The following STPG2 variants were observed in gnomAD, a reference collection of about 807,000 sequenced individuals.
STPG2 encodes the protein sperm tail PG-rich repeat containing 2, also known as sperm-tail PG-rich repeat-containing protein 2.
In STPG2, 56 loss-of-function variants were observed where a neutral mutation model predicts 54.2. The observed-to-expected ratio is 1.03, with a 90% CI of 0.83 to 1.29. STPG2 has a LOEUF of 1.29. Among genes scored for constraint, STPG2 ranks in the 50% most tolerant of loss-of-function variants. STPG2 has a pLI of 0.00. For missense variants in STPG2, 596 were observed against 544.9 expected, an observed-to-expected ratio of 1.09 and a Z score of -0.93; for synonymous variants, 200 against 181.8, an observed-to-expected ratio of 1.10 and a Z score of -0.81.
intron 4 of STPG2, among the ~76,000 whole-genome samples, chr4:97,544,436 A>T (rs984758183): frequency 2.0e-5 from 3 of 152,112 alleles, no homozygotes; most frequent in Non-Finnish European, 4.4e-5. Flanking sequence ...CAAACACTCA[A>T]AAACATTCAT....
At chr4:97,994,633 G>A (rs1222338788) in intron 5 of STPG2, among the ~76,000 whole-genome samples, 2 of 152,140 alleles carry the variant, frequency 1.3e-5, no homozygotes, top group African/African-American at 4.8e-5. Context: ...AGGGGAGTAT[G>A]TGCAAAGCGA....
At chr4:97,831,018 T>G (rs1482839849) in intron 9 of STPG2, among the ~76,000 whole-genome samples, 1 of 152,082 alleles carries the variant, frequency 6.6e-6, no homozygotes. Context: ...CTGGACCAAG[T>G]GGACCTAAAA....
chr4:97,509,610 A>T (rs866070214), intron 4 of STPG2, among the ~76,000 whole-genome samples: 24 of 152,114 alleles, frequency 1.6e-4, no homozygotes, highest in African/African-American at 5.8e-4. Context: ...AGGTGTTAAC[A>T]CTAGAAAGTT....
intron 10 of STPG2, among the ~76,000 whole-genome samples, chr4:97,636,601 T>A (rs1721542877): frequency 6.7e-6 from 1 of 149,522 alleles, no homozygotes; most frequent in Non-Finnish European, 1.5e-5. Context: ...CTAGCAAGAC[T>A]AATAAAGAAA....
chr4:97,946,603 C>A (rs1447059039), intron 7 of STPG2, among the ~76,000 whole-genome samples: 1 of 152,112 alleles, frequency 6.6e-6, no homozygotes, highest in East Asian at 1.9e-4. Flanking sequence ...TTTCATTCTT[C>A]TAAATGTAGC....
chr4:97,794,572 T>C (rs571941505), intron 9 of STPG2, among the ~76,000 whole-genome samples: 10 of 152,298 alleles, frequency 6.6e-5, no homozygotes, highest in Admixed American at 6.5e-4. Context: ...AATTGGATAA[T>C]ATGAGCCTTC....
intron 10 of STPG2, among the ~76,000 whole-genome samples, chr4:97,611,436 G>A (rs1733727792): frequency 6.6e-6 from 1 of 151,672 alleles, no homozygotes; most frequent in Admixed American, 6.6e-5. Context: ...ACAATATCTA[G>A]GCTTTTATAA....
Position 97,444,259 on chromosome 4 carries a change from T to A in STPG2, c.463-256426A>T, listed in dbSNP as rs190873219. Among the ~76,000 whole-genome samples the A allele has an allele frequency of 6.6e-4, 101 of 152,254 alleles. 2 individuals are homozygous for A. The highest frequency in any genetic ancestry group is 1.0e-4 in the Non-Finnish European group (7 of 68,026). On this transcript the variant is annotated intron_variant, in intron 4 of 4. Transcript: ENST00000522676. ...TGAAAAGATAATAGATGAGAAACTT[T>A]CAGAGCCAATAGAAAGACATCAATC...
intron 5 of STPG2, among the ~76,000 whole-genome samples, chr4:98,022,743 C>A (rs541336712): frequency 6.6e-6 from 1 of 152,230 alleles, no homozygotes; most frequent in East Asian, 1.9e-4. Flanking sequence ...CTCTAAACTT[C>A]CCTTCTTGCT....
chr4:97,560,767 C>T (rs554565179), intron 10 of STPG2, among the ~76,000 whole-genome samples: 2 of 152,178 alleles, frequency 1.3e-5, no homozygotes, highest in African/African-American at 2.4e-5. Context: ...AGATCAGAGA[C>T]CTATACCCAA....
intron 4 of STPG2, among the ~76,000 whole-genome samples, chr4:97,453,350 A>T (rs181951381): frequency 6.6e-6 from 1 of 152,272 alleles, no homozygotes; most frequent in East Asian, 1.9e-4. Context: ...ACACTTGCTC[A>T]CACACCCTTT....
Position 97,882,384 on chromosome 4 carries a change from G to A in STPG2, c.1045-41452C>T, listed in dbSNP as rs770921650. On this transcript the variant is annotated intron_variant, in intron 8 of 10. Coordinates refer to ENST00000295268, the MANE Select transcript of STPG2 (RefSeq NM_174952.3). ...GTGATATAAAAGACTCAACCTACAG[G>A]AAGAAAGGCAGTAAACCATGTTGCC... 6.4e-4 allele frequency among the ~76,000 whole-genome samples: 98 copies of A among 152,274 alleles called. 1 individual carries two copies. Among genetic ancestry groups the A allele is most frequent in the Non-Finnish European group, 1.2e-3 (81 of 68,018 alleles).
intron 5 of STPG2, among the ~76,000 whole-genome samples, chr4:98,018,174 C>T (rs561361388): frequency 1.3e-5 from 2 of 152,138 alleles, no homozygotes; most frequent in South Asian, 4.2e-4. Context: ...CCCCCATCCC[C>T]ACCCCACAAC....
At chr4:97,537,779 C>A (rs1205134127) in intron 4 of STPG2, among the ~76,000 whole-genome samples, 1 of 152,126 alleles carries the variant, frequency 6.6e-6, no homozygotes, top group African/African-American at 2.4e-5. Flanking sequence ...AGTAGATTAT[C>A]TGGGAGGCAC....
At chr4:97,870,889 C>A (rs758190897) in intron 8 of STPG2, among the ~76,000 whole-genome samples, 1 of 150,902 alleles carries the variant, frequency 6.6e-6, no homozygotes, top group Non-Finnish European at 1.5e-5. Context: ...AAAAATTCAC[C>A]CCCAAAAAAT....
intron 8 of STPG2, among the ~76,000 whole-genome samples, chr4:97,879,241 C>T (rs546161121): frequency 6.6e-6 from 1 of 152,230 alleles, no homozygotes; most frequent in African/African-American, 2.4e-5. Context: ...ACTCTTCCAA[C>T]CTCTGCCTGT....
At chr4:97,826,763 A>T (rs1030892730) in intron 9 of STPG2, among the ~76,000 whole-genome samples, 1 of 152,244 alleles carries the variant, frequency 6.6e-6, no homozygotes, top group Admixed American at 6.5e-5. Flanking sequence ...TGTTATTGGT[A>T]TGTATTCCAA....
intron 9 of STPG2, among the ~76,000 whole-genome samples, chr4:97,833,583 G>C (rs113629208): frequency 0.04 from 6,135 of 152,116 alleles, 408 homozygotes; most frequent in African/African-American, 0.14. Flanking sequence ...TACAGAATGG[G>C]AGAATAATTT....
rs867980461 is a variant in STPG2 at position 97,486,827 on chromosome 4, G to A, written c.462+225872C>T. Among the ~76,000 whole-genome samples, 210 of 130,882 alleles carry A rather than the reference G, an allele frequency of 1.6e-3. 1 individual carries two copies. Among genetic ancestry groups the A allele is most frequent in the African/African-American group, 5.3e-3 (168 of 31,970 alleles). The allele number at this position is 130,882 out of a possible 152,430, so 85.9% of individuals were successfully genotyped here. On this transcript the variant is annotated intron_variant, in intron 4 of 4. Transcript: ENST00000522676. ...GTGGTGTGTGTGTGTGTGTGTGTGT[G>A]TGTATATATATATATATATATGTAT...
Sources: allele counts gnomAD v4.1 joint callset (sites outside exome capture counted in the v4.1 genomes callset), GRCh38; gene constraint gnomAD v4.1.1; transcripts MANE v1.5; gene names NCBI Gene and HGNC (gene_info 2026-07-23, HGNC 2026-07-21).